ARPP21: variants seen among roughly 807,000 people sequenced by gnomAD.
ARPP21 encodes cAMP regulated phosphoprotein 21, also known as cAMP-regulated phosphoprotein 21.
Under a neutral mutation model 113.2 loss-of-function variants are expected in ARPP21, and 69 were observed. That is an observed-to-expected ratio of 0.61 (90% CI 0.50 to 0.74). The LOEUF is 0.74. Ranked by LOEUF, ARPP21 falls within the 30% of genes least tolerant of loss-of-function variation. The pLI, the probability that ARPP21 is intolerant of heterozygous loss-of-function variation, is 0.00. For synonymous variants in ARPP21, 368 were observed against 375.5 expected, an observed-to-expected ratio of 0.98 and a Z score of 0.23; for missense variants, 1,070 against 1,037.4, an observed-to-expected ratio of 1.03 and a Z score of -0.43.
chr3:35,642,753 A>G (rs1402591639), intron 1 of ARPP21, among the ~76,000 whole-genome samples: 2 of 152,156 alleles, frequency 1.3e-5, no homozygotes, highest in African/African-American at 4.8e-5. Flanking sequence ...TGCTTCTAAG[A>G]TACTACAATA....
intron 19 of ARPP21, among the ~76,000 whole-genome samples, chr3:35,769,199 G>T (rs561705425): frequency 5.9e-5 from 9 of 152,238 alleles, no homozygotes. Context: ...CTTTCATCAG[G>T]CTGCAGTAGC....
chr3:35,773,091 T>C (rs1457355130), intron 19 of ARPP21, among the ~76,000 whole-genome samples: 2 of 152,172 alleles, frequency 1.3e-5, no homozygotes, highest in African/African-American at 4.8e-5. Flanking sequence ...GTCTTGAAAA[T>C]GAGTAGAAAG....
chr3:35,684,094 T>G, intron 5 of ARPP21: 1 of 1,547,060 alleles, frequency 6.5e-7, no homozygotes, highest in South Asian at 1.2e-5. Flanking sequence ...GTAGGCACAG[T>G]AGTGCTGAAT....
Position 35,737,332 on chromosome 3 carries a change from GC to G in ARPP21, c.1616del (p.Pro539HisfsTer45). 1 of 1,611,510 alleles carries G rather than the reference GC, an allele frequency of 6.2e-7. No individual in the cohort carries two copies. Among genetic ancestry groups the G allele is most frequent in the Non-Finnish European group, 8.5e-7 (1 of 1,178,514 alleles). On this transcript the variant is annotated frameshift_variant, in exon 16 of 21. Coordinates refer to ENST00000684406, the MANE Select transcript of ARPP21 (RefSeq NM_001385562.1). LOFTEE classifies it high-confidence loss of function. ...QPQQQVQPPQ[P>X]QMAGPLVTQS... ...CCCAACAGCAGGTCCAGCCACCGCA[GC>G]CACAGATGGCAGGCCCTCTGGTCAC...
chr3:35,719,889 T>C (rs964068513), intron 13 of ARPP21, among the ~76,000 whole-genome samples: 3 of 152,226 alleles, frequency 2.0e-5, no homozygotes, highest in African/African-American at 2.4e-5. Flanking sequence ...TTTAACATAC[T>C]CATGATTATA....
At chr3:35,666,646 C>G (rs1255295021) in intron 1 of ARPP21, among the ~76,000 whole-genome samples, 1 of 147,230 alleles carries the variant, frequency 6.8e-6, no homozygotes, top group Admixed American at 6.6e-5. Context: ...ATTAAATGTA[C>G]TTCTTCTTAA....
At chr3:35,647,918 A>T (rs1457144226) in intron 1 of ARPP21, among the ~76,000 whole-genome samples, 1 of 152,220 alleles carries the variant, frequency 6.6e-6, no homozygotes, top group African/African-American at 2.4e-5. Flanking sequence ...AAAGCACTTG[A>T]CACATGGATA....
At chr3:35,779,512 G>C (rs1474050878) in intron 19 of ARPP21, among the ~76,000 whole-genome samples, 2 of 151,790 alleles carry the variant, frequency 1.3e-5, no homozygotes, top group African/African-American at 4.8e-5. Context: ...GCAGCACCCA[G>C]AGTTTCTTGT....
chr3:35,711,399 T>C (rs760730976), intron 11 of ARPP21, among the ~76,000 whole-genome samples: 3 of 152,206 alleles, frequency 2.0e-5, no homozygotes, highest in African/African-American at 4.8e-5. Flanking sequence ...CTAAGACCCT[T>C]TCTCTTAGAG....
intron 1 of ARPP21, among the ~76,000 whole-genome samples, chr3:35,649,145 T>A (rs1398825333): frequency 2.0e-5 from 3 of 152,198 alleles, no homozygotes; most frequent in Non-Finnish European, 4.4e-5. Flanking sequence ...GAATTAAAAA[T>A]TGACCTTTCT....
At chr3:35,656,827 A>C (rs937337952) in intron 1 of ARPP21, among the ~76,000 whole-genome samples, 1 of 152,066 alleles carries the variant, frequency 6.6e-6, no homozygotes. Flanking sequence ...TTTTAAAATT[A>C]AAAAAGGCAG....
chr3:35,740,383 A>G (rs1377515596), intron 18 of ARPP21, among the ~76,000 whole-genome samples: 1 of 152,220 alleles, frequency 6.6e-6, no homozygotes, highest in Non-Finnish European at 1.5e-5. Flanking sequence ...ATTGCATTGG[A>G]TGAGCTGTTT....
chr3:35,668,669 T>C (rs1189380171), intron 1 of ARPP21, among the ~76,000 whole-genome samples: 1 of 152,140 alleles, frequency 6.6e-6, no homozygotes, highest in Admixed American at 6.6e-5. Context: ...TGCACACACA[T>C]AAATATTTAA....
intron 1 of ARPP21, among the ~76,000 whole-genome samples, chr3:35,664,712 T>C (rs771436553): frequency 3.9e-5 from 6 of 152,156 alleles, no homozygotes; most frequent in Non-Finnish European, 8.8e-5. Context: ...CGTTTCCTCT[T>C]TGAGGTGGGG....
intron 9 of ARPP21, among the ~76,000 whole-genome samples, chr3:35,698,443 A>T (rs192427121): frequency 3.8e-4 from 58 of 151,780 alleles, no homozygotes; most frequent in African/African-American, 1.3e-3. Context: ...TCCTTAATAT[A>T]ATATTTTATA....
At chr3:35,655,889 A>G (rs1461589611) in intron 1 of ARPP21, among the ~76,000 whole-genome samples, 1 of 152,040 alleles carries the variant, frequency 6.6e-6, no homozygotes, top group Non-Finnish European at 1.5e-5. Context: ...GGGCCCAAGT[A>G]TATGCATTTC....
chr3:35,769,549 A>G (rs895257732), intron 19 of ARPP21, among the ~76,000 whole-genome samples: 3 of 152,178 alleles, frequency 2.0e-5, no homozygotes, highest in Non-Finnish European at 2.9e-5. Context: ...ACACTGCTTC[A>G]TTTAAAAATT....
intron 1 of ARPP21, among the ~76,000 whole-genome samples, chr3:35,674,915 G>C (rs2077116928): frequency 6.6e-6 from 1 of 151,696 alleles, no homozygotes; most frequent in Non-Finnish European, 1.5e-5. Context: ...GACATACTGG[G>C]AATTAATTGC....
chr3:35,781,202 A>G (rs1177347188), intron 19 of ARPP21, among the ~76,000 whole-genome samples: 1 of 152,174 alleles, frequency 6.6e-6, no homozygotes, highest in African/African-American at 2.4e-5. Context: ...ACCACTTAAA[A>G]ATACTCATGG....
Sources: allele counts gnomAD v4.1 joint callset (sites outside exome capture counted in the v4.1 genomes callset), GRCh38; gene constraint gnomAD v4.1.1; transcripts MANE v1.5; gene names NCBI Gene and HGNC (gene_info 2026-07-23, HGNC 2026-07-21).